ADTRP: variants seen among roughly 807,000 people sequenced by gnomAD.
ADTRP encodes androgen dependent TFPI regulating protein.
In ADTRP, 20 loss-of-function variants were observed where a neutral mutation model predicts 27.0. That is an observed-to-expected ratio of 0.74 (90% CI 0.52 to 1.08). ADTRP has a LOEUF of 1.08. Ranked by LOEUF, ADTRP falls within the 50% of genes least tolerant of loss-of-function variation. The pLI, the probability that ADTRP is intolerant of heterozygous loss-of-function variation, is 0.00. For missense variants in ADTRP, 251 were observed against 275.0 expected (o/e 0.91, Z 0.62); for synonymous variants, 101 against 105.2 (o/e 0.96, Z 0.25).
intron 3 of ADTRP, among the ~76,000 whole-genome samples, chr6:11,764,359 T>C (rs537071035): frequency 6.6e-6 from 1 of 152,304 alleles, no homozygotes; most frequent in South Asian, 2.1e-4. Context: ...GTAGTCATTG[T>C]GAAAAAAGCT....
In ADTRP at chr6:11,778,623, A is replaced by C; in HGVS notation, c.137T>G (p.Met46Arg). Residue 46 changes from methionine (M) to arginine (R), a missense_variant, in exon 1 of 6, where the codon ATG becomes AGG. Met to Arg is a moderately conservative substitution (Grantham distance 91, BLOSUM62 -1). Coordinates refer to ENST00000414691, the MANE Select transcript of ADTRP (RefSeq NM_032744.4). ...TGGACTTACCAGATTAAGCAGCGTCATATATTTCCACCTTGCACCATTTGC... is the reference window on the plus strand; with the variant it reads ...TGGACTTACCAGATTAAGCAGCGTCCTATATTTCCACCTTGCACCATTTGC... Reference protein sequence around the residue: ...ILANGARWKYMTLLNLLLQTI... With the variant: ...ILANGARWKYRTLLNLLLQTI... The C allele has an allele frequency of 1.9e-6, 3 of 1,614,250 alleles. No individual in the cohort carries two copies. The highest frequency in any genetic ancestry group is 2.5e-6 in the Non-Finnish European group (3 of 1,180,044).
At chr6:11,742,828 T>A (rs565823815) in intron 3 of ADTRP, among the ~76,000 whole-genome samples, 1 of 152,336 alleles carries the variant, frequency 6.6e-6, no homozygotes, top group East Asian at 1.9e-4. Flanking sequence ...GTACAGGAAC[T>A]CCAGAAGTAC....
chr6:11,775,877 T>A (rs992233251), intron 1 of ADTRP, among the ~76,000 whole-genome samples: 1 of 152,174 alleles, frequency 6.6e-6, no homozygotes, highest in Non-Finnish European at 1.5e-5. Context: ...AGGAGGGGTG[T>A]AAATTTTCTG....
intron 3 of ADTRP, among the ~76,000 whole-genome samples, chr6:11,765,924 T>C (rs988930963): frequency 1.5e-4 from 23 of 152,322 alleles, no homozygotes; most frequent in African/African-American, 5.5e-4. Flanking sequence ...GGTGGGCTTT[T>C]TTTTTAAAGC....
intron 3 of ADTRP, chr6:11,735,954 T>A (rs1561751134): frequency 3.3e-6 from 1 of 306,262 alleles, no homozygotes; most frequent in Non-Finnish European, 6.1e-6. Flanking sequence ...CTCCCTACTT[T>A]TTTTTGGCGG....
intron 4 of ADTRP, among the ~76,000 whole-genome samples, chr6:11,727,725 G>A (rs1298259704): frequency 6.6e-6 from 1 of 152,154 alleles, no homozygotes; most frequent in Non-Finnish European, 1.5e-5. Context: ...TGTAAGGAAA[G>A]TTATAGGTGT....
intron 1 of ADTRP, among the ~76,000 whole-genome samples, chr6:11,774,355 T>C (rs1763883114): frequency 7.8e-6 from 1 of 128,662 alleles, no homozygotes; most frequent in South Asian, 2.7e-4. Flanking sequence ...CATAGATTAT[T>C]ACTTAAGGTT....
At chr6:11,731,549 G>A (rs368901445) in intron 4 of ADTRP, among the ~76,000 whole-genome samples, 5 of 152,264 alleles carry the variant, frequency 3.3e-5, no homozygotes, top group South Asian at 2.1e-4. Flanking sequence ...TCACAAACAG[G>A]TCCAGCAAAG....
intron 3 of ADTRP, among the ~76,000 whole-genome samples, chr6:11,740,278 A>G (rs1762674805): frequency 6.6e-6 from 1 of 152,164 alleles, no homozygotes; most frequent in Non-Finnish European, 1.5e-5. Context: ...TGGTTTGCTT[A>G]TGGTACTTAC....
chr6:11,766,361 T>C lies in ADTRP; in HGVS notation c.303A>G (p.Ala101=). 2 of 1,612,026 alleles carry C rather than the reference T, an allele frequency of 1.2e-6. No homozygotes were observed. The highest frequency in any genetic ancestry group is 1.7e-6 in the Non-Finnish European group (2 of 1,178,856). Residue 101 remains alanine (A), a synonymous_variant, in exon 3 of 6, where the codon GCA becomes GCG. Coordinates refer to ENST00000414691, the MANE Select transcript of ADTRP (RefSeq NM_032744.4). ...GATTGTAGAGAAAGAGGATCCAGAA[T>C]GCCAAAAATACAAACTGGAAAATAA... The part of the protein sequence containing the change: ...AFPVSTFVFL[A]FWILFLYNRD...
intron 3 of ADTRP, among the ~76,000 whole-genome samples, chr6:11,751,138 T>C (rs551039064): frequency 7.0e-4 from 106 of 152,330 alleles, no homozygotes; most frequent in African/African-American, 2.2e-3. Flanking sequence ...CGTGAACCAC[T>C]GCTCCTGGCT....
intron 1 of ADTRP, among the ~76,000 whole-genome samples, chr6:11,770,553 G>T (rs1253593297): frequency 6.6e-6 from 1 of 152,130 alleles, no homozygotes. Flanking sequence ...AACGGCCGGG[G>T]GTAGAAGAGC....
chr6:11,729,931 G>C (rs1245515794), intron 4 of ADTRP, among the ~76,000 whole-genome samples: 1 of 152,024 alleles, frequency 6.6e-6, no homozygotes, highest in East Asian at 1.9e-4. Context: ...TCATTTGTGT[G>C]GTACATGTCA....
intron 3 of ADTRP, among the ~76,000 whole-genome samples, chr6:11,755,912 G>A (rs1009890339): frequency 6.6e-6 from 1 of 152,202 alleles, no homozygotes; most frequent in Non-Finnish European, 1.5e-5. Flanking sequence ...TTCCCCTTGG[G>A]ATGCCATGGA....
intron 3 of ADTRP, among the ~76,000 whole-genome samples, chr6:11,740,474 A>G (rs1762680131): frequency 6.6e-6 from 1 of 152,242 alleles, no homozygotes; most frequent in African/African-American, 2.4e-5. Flanking sequence ...ACATAAATGT[A>G]AATACAATAG....
intron 3 of ADTRP, among the ~76,000 whole-genome samples, chr6:11,760,591 T>C (rs544356377): frequency 1.3e-5 from 2 of 152,184 alleles, no homozygotes; most frequent in Non-Finnish European, 2.9e-5. Context: ...GGTGATTTTA[T>C]TAAATTTAAC....
At chr6:11,769,992 T>TC in intron 1 of ADTRP, 4 of 1,549,026 alleles carry the variant, frequency 2.6e-6, no homozygotes, top group Non-Finnish European at 3.5e-6. Flanking sequence ...ATCATTAGAC[T>TC]CCCCCGCCCA....
chr6:11,776,534 G>A (rs1763960016), intron 1 of ADTRP, among the ~76,000 whole-genome samples: 1 of 152,252 alleles, frequency 6.6e-6, no homozygotes, highest in Non-Finnish European at 1.5e-5. Flanking sequence ...CAGAGACTGA[G>A]AGATGCTGTG....
intron 3 of ADTRP, among the ~76,000 whole-genome samples, chr6:11,764,247 A>C (rs1763480110): frequency 6.6e-6 from 1 of 152,248 alleles, no homozygotes; most frequent in Non-Finnish European, 1.5e-5. Flanking sequence ...TCACAAATCC[A>C]TATGGCTGTT....
Sources: allele counts gnomAD v4.1 joint callset (sites outside exome capture counted in the v4.1 genomes callset), GRCh38; gene constraint gnomAD v4.1.1; transcripts MANE v1.5; gene names NCBI Gene and HGNC (gene_info 2026-07-23, HGNC 2026-07-21).